Variants in GPR39 observed in about 807,000 individuals in gnomAD.
GPR39 encodes G protein-coupled receptor 39.
GPR39 carries 23 observed loss-of-function variants against 18.4 expected under a neutral mutation model. That is an observed-to-expected ratio of 1.25 (90% CI 0.90 to 1.77). The LOEUF is 1.77. Among genes scored for constraint, GPR39 ranks in the 40% most tolerant of loss-of-function variants. The pLI, the probability that GPR39 is intolerant of heterozygous loss-of-function variation, is 0.00. For synonymous variants in GPR39, 280 were observed against 257.9 expected (o/e 1.09, Z -0.82); for missense variants, 647 against 602.4 (o/e 1.07, Z -0.78).
At chr2:132,463,342 G>T (rs1243711202) in intron 1 of GPR39, among the ~76,000 whole-genome samples, 2 of 149,488 alleles carry the variant, frequency 1.3e-5, no homozygotes, top group Middle Eastern at 3.4e-3. Context: ...GTGGTGTGAG[G>T]TCTTTGGAGG....
At chr2:132,533,333 A>T (rs971161151) in intron 1 of GPR39, among the ~76,000 whole-genome samples, 1 of 151,826 alleles carries the variant, frequency 6.6e-6, no homozygotes, top group African/African-American at 2.4e-5. Flanking sequence ...CCACTGCTCA[A>T]TGAAATAAAA....
intron 1 of GPR39, among the ~76,000 whole-genome samples, chr2:132,639,250 T>C (rs1452837082): frequency 7.9e-6 from 1 of 127,268 alleles, no homozygotes; most frequent in Non-Finnish European, 1.7e-5. Context: ...AGAACTTGAA[T>C]GGGGGGATAA....
At chr2:132,607,743 G>A (rs966452705) in intron 1 of GPR39, among the ~76,000 whole-genome samples, 1 of 152,196 alleles carries the variant, frequency 6.6e-6, no homozygotes, top group Non-Finnish European at 1.5e-5. Context: ...AGCTGCAGAT[G>A]CAATAAAATG....
At chr2:132,493,982 C>T (rs1246375835) in intron 1 of GPR39, among the ~76,000 whole-genome samples, 2 of 152,056 alleles carry the variant, frequency 1.3e-5, no homozygotes, top group South Asian at 2.1e-4. Context: ...AAAGTATTTC[C>T]AGTGGTGATA....
chr2:132,585,993 C>T (rs180845829), intron 1 of GPR39, among the ~76,000 whole-genome samples: 1 of 127,838 alleles, frequency 7.8e-6, no homozygotes, highest in African/African-American at 3.0e-5. Flanking sequence ...TCAGAGTGAC[C>T]AGTGGCACCG....
intron 1 of GPR39, among the ~76,000 whole-genome samples, chr2:132,619,350 T>C (rs985110289): frequency 6.6e-6 from 1 of 152,140 alleles, no homozygotes; most frequent in African/African-American, 2.4e-5. Context: ...ACAGGCTCCA[T>C]ATGTCCTGGC....
chr2:132,613,995 A>G (rs1175227585), intron 1 of GPR39, among the ~76,000 whole-genome samples: 1 of 152,218 alleles, frequency 6.6e-6, no homozygotes, highest in Non-Finnish European at 1.5e-5. Flanking sequence ...TGAGGTCCAT[A>G]GAGAATGAGT....
At chr2:132,535,516 A>AAGTTT (rs1421609038) in intron 1 of GPR39, among the ~76,000 whole-genome samples, 1 of 151,960 alleles carries the variant, frequency 6.6e-6, no homozygotes, top group Non-Finnish European at 1.5e-5. Flanking sequence ...TATTGGCCTG[A>AAGTTT]AGTTTTCTTT....
intron 1 of GPR39, among the ~76,000 whole-genome samples, chr2:132,446,564 A>C (rs1339803537): frequency 2.0e-5 from 3 of 152,202 alleles, no homozygotes; most frequent in Non-Finnish European, 4.4e-5. Flanking sequence ...GTGACGCTAG[A>C]ATTCCTCTTA....
At chr2:132,538,667 C>T (rs1417669736) in intron 1 of GPR39, among the ~76,000 whole-genome samples, 6 of 152,198 alleles carry the variant, frequency 3.9e-5, no homozygotes, top group African/African-American at 1.4e-4. Context: ...TGACAGCACC[C>T]ATCCCTCCCC....
chr2:132,452,643 A>G (rs1348280398), intron 1 of GPR39, among the ~76,000 whole-genome samples: 1 of 149,750 alleles, frequency 6.7e-6, no homozygotes, highest in Non-Finnish European at 1.5e-5. Flanking sequence ...CCACCCCCCA[A>G]TAGGCCCCAG....
chr2:132,636,583 T>G (rs767119915), intron 1 of GPR39, among the ~76,000 whole-genome samples: 10 of 152,216 alleles, frequency 6.6e-5, no homozygotes, highest in Middle Eastern at 3.2e-3. Flanking sequence ...AGCACCTGCC[T>G]GGGAAGCCCC....
intron 1 of GPR39, among the ~76,000 whole-genome samples, chr2:132,577,939 T>C (rs1680556523): frequency 6.6e-6 from 1 of 152,194 alleles, no homozygotes; most frequent in South Asian, 2.1e-4. Context: ...ACAAAGACAT[T>C]CTTGCCTTGT....
chr2:132,532,538 AC>A, intron 1 of GPR39, among the ~76,000 whole-genome samples: 2 of 152,102 alleles, frequency 1.3e-5, no homozygotes, highest in Non-Finnish European at 2.9e-5. Context: ...CAGAGACACA[AC>A]CAAAAAAGAG....
chr2:132,545,032 C>G (rs931544950), intron 1 of GPR39, among the ~76,000 whole-genome samples: 1 of 152,190 alleles, frequency 6.6e-6, no homozygotes, highest in Non-Finnish European at 1.5e-5. Flanking sequence ...AAAAGAGGTT[C>G]TTAATCAGGT....
intron 1 of GPR39, among the ~76,000 whole-genome samples, chr2:132,542,107 T>C (rs1448176792): frequency 6.6e-6 from 1 of 152,094 alleles, no homozygotes; most frequent in Admixed American, 6.5e-5. Flanking sequence ...TACCATTGAA[T>C]TGGGGGTTAA....
chr2:132,474,133 C>T (rs1681082684), intron 1 of GPR39, among the ~76,000 whole-genome samples: 1 of 146,698 alleles, frequency 6.8e-6, no homozygotes, highest in African/African-American at 2.5e-5. Flanking sequence ...TCAGCTCAGA[C>T]CCTCTATTTA....
intron 1 of GPR39, among the ~76,000 whole-genome samples, chr2:132,536,617 T>C (rs567856162): frequency 6.6e-6 from 1 of 152,346 alleles, no homozygotes; most frequent in Non-Finnish European, 1.5e-5. Flanking sequence ...AAGTCCTGAA[T>C]ATCCTTGTTA....
intron 1 of GPR39, among the ~76,000 whole-genome samples, chr2:132,536,778 T>C (rs1038692017): frequency 6.6e-6 from 1 of 152,266 alleles, no homozygotes; most frequent in Admixed American, 6.5e-5. Context: ...ATATTTAGGA[T>C]AGTTTGCACT....
Sources: allele counts gnomAD v4.1 joint callset (sites outside exome capture counted in the v4.1 genomes callset), GRCh38; gene constraint gnomAD v4.1.1; transcripts MANE v1.5; gene names NCBI Gene and HGNC (gene_info 2026-07-23, HGNC 2026-07-21).